Variants in PLCH1 observed in about 807,000 individuals in gnomAD.
PLCH1 encodes 1-phosphatidylinositol 4,5-bisphosphate phosphodiesterase eta-1.
PLCH1 carries 60 observed loss-of-function variants against 126.7 expected under a neutral mutation model. That is an observed-to-expected ratio of 0.47 (90% CI 0.38 to 0.59). PLCH1 has a LOEUF of 0.59. PLCH1 is among the 20% of genes least tolerant of loss of function. The probability of loss-of-function intolerance (pLI) is 0.00; values close to 1 mark genes in which losing one functional copy is unlikely to be tolerated. For synonymous variants in PLCH1, 719 were observed against 734.9 expected (o/e 0.98, Z 0.35); for missense variants, 1,723 against 2,040.0 (o/e 0.84, Z 2.99).
At chr3:155,514,223 G>T (rs555731483) in intron 12 of PLCH1, among the ~76,000 whole-genome samples, 57 of 152,220 alleles carry the variant, frequency 3.7e-4, no homozygotes, top group Non-Finnish European at 7.3e-5. Context: ...AAATGGGCCT[G>T]AGGAACAGCC....
chr3:155,626,373 C>G (rs1577179660), intron 2 of PLCH1, among the ~76,000 whole-genome samples: 1 of 152,096 alleles, frequency 6.6e-6, no homozygotes, highest in African/African-American at 2.4e-5. Context: ...ATTTTAAACA[C>G]ATAAGTACTG....
At chr3:155,486,526 T>TG (rs1413959658) in intron 21 of PLCH1, among the ~76,000 whole-genome samples, 11 of 147,324 alleles carry the variant, frequency 7.5e-5, no homozygotes, top group Non-Finnish European at 1.3e-4. Flanking sequence ...TTTTTTTTTT[T>TG]TTTTTTTTTG....
At position 155,600,604 on chromosome 3, in the gene PLCH1, A is replaced by T. The variant is rs1367543475; in HGVS notation, c.80-4226T>A. On this transcript the variant is annotated intron_variant, in intron 2 of 22. Coordinates refer to ENST00000460012, the MANE Select transcript of PLCH1 (RefSeq NM_014996.4). ...CTTTATGGTACGCTTAAGATAGCTA[A>T]AAAAAAAAAAAAAAAAGTTTATTTG... Among the ~76,000 whole-genome samples, 10 of 37,520 alleles carry T rather than the reference A, an allele frequency of 2.7e-4. No homozygotes were observed. The South Asian group carries it at 2.8e-3, about 11-fold the overall frequency. 24.6% of individuals were successfully genotyped at this position (37,520 alleles called of 152,430 possible). A position where few individuals can be genotyped will look rare whatever the true frequency, so the allele number is the denominator to read the frequency against.
intron 11 of PLCH1, 112 bp from the exon 12 acceptor site, chr3:155,514,996 G>C: frequency 3.1e-6 from 2 of 649,994 alleles, no homozygotes; most frequent in East Asian, 5.9e-5. Flanking sequence ...TCAATTACTT[G>C]TAAGAAATTA....
intron 2 of PLCH1, among the ~76,000 whole-genome samples, chr3:155,677,794 A>G (rs532420198): frequency 4.7e-4 from 72 of 152,308 alleles, no homozygotes; most frequent in Non-Finnish European, 7.9e-4. Flanking sequence ...AATCTGAATT[A>G]ATTAGTGGTC....
intron 2 of PLCH1, among the ~76,000 whole-genome samples, chr3:155,700,855 G>C (rs955931186): frequency 6.6e-6 from 1 of 152,236 alleles, no homozygotes; most frequent in Non-Finnish European, 1.5e-5. Context: ...AAGCCATTAA[G>C]ACAGGGTTCA....
At chr3:155,596,175 G>A (rs1395913405) in intron 3 of PLCH1, 57 bp downstream of exon 3, 4 of 1,364,208 alleles carry the variant, frequency 2.9e-6, no homozygotes, top group African/African-American at 1.4e-5. Context: ...AGCCCACTCA[G>A]TATAACCCGT....
At chr3:155,601,108 G>A (rs1331362590) in intron 2 of PLCH1, among the ~76,000 whole-genome samples, 1 of 152,072 alleles carries the variant, frequency 6.6e-6, no homozygotes, top group Non-Finnish European at 1.5e-5. Context: ...CCGAGTAGCT[G>A]GGACTACAGG....
chr3:155,701,190 A>G (rs998271524), intron 2 of PLCH1, among the ~76,000 whole-genome samples: 3 of 152,230 alleles, frequency 2.0e-5, no homozygotes, highest in South Asian at 2.1e-4. Flanking sequence ...AAGGCCGGAC[A>G]TAAGCAGACT....
intron 1 of PLCH1, among the ~76,000 whole-genome samples, chr3:155,734,451 C>A (rs1178891251): frequency 6.6e-6 from 1 of 151,916 alleles, no homozygotes; most frequent in East Asian, 1.9e-4. Flanking sequence ...CAGAGTGAGA[C>A]CCTATCTCAA....
chr3:155,456,504 A>G (rs536172908), intron 21 of PLCH1, among the ~76,000 whole-genome samples: 33 of 152,206 alleles, frequency 2.2e-4, no homozygotes, highest in Non-Finnish European at 4.1e-4. Flanking sequence ...TACATTCCCT[A>G]CCTGGGCAAC....
chr3:155,681,682 T>C (rs893643222), intron 2 of PLCH1, among the ~76,000 whole-genome samples: 25 of 152,196 alleles, frequency 1.6e-4, no homozygotes, highest in African/African-American at 5.8e-4. Flanking sequence ...CCCAAAATCA[T>C]TGCTATAAGT....
At chr3:155,464,643 A>C (rs1712862255) in intron 21 of PLCH1, among the ~76,000 whole-genome samples, 1 of 152,084 alleles carries the variant, frequency 6.6e-6, no homozygotes, top group African/African-American at 2.4e-5. Context: ...GTGCCTTGTG[A>C]CCGAATGAGT....
Position 155,481,406 on chromosome 3 carries a change from C to T in PLCH1, c.4620G>A (p.Lys1540=), listed in dbSNP as rs757730288. ...PIDALTEQLR[K]LVSFDQEDNC... The stretch of plus-strand genomic sequence containing the variant: ...TGTCTTCCTGGTCAAAGGACACAAG[C>T]TTCCGAAGCTGCTCGGTCAGGGCAT... Residue 1540 remains lysine (K), a synonymous_variant, in exon 23 of 23, where the codon AAG becomes AAA. Transcript: ENST00000460012. The surrounding 1 kb of genome is among the most constrained non-coding windows in gnomAD (Gnocchi z 4.2). 55 of 1,614,108 alleles carry T rather than the reference C, an allele frequency of 3.4e-5. No individual in the cohort carries two copies. The South Asian group carries it at 4.4e-4, about 13-fold the overall frequency.
At chr3:155,715,766 C>T (rs1346548753) in intron 1 of PLCH1, among the ~76,000 whole-genome samples, 1 of 151,914 alleles carries the variant, frequency 6.6e-6, no homozygotes, top group African/African-American at 2.4e-5. Flanking sequence ...GTGTACACCA[C>T]CATGCCCAGC....
intron 2 of PLCH1, among the ~76,000 whole-genome samples, chr3:155,622,446 C>A (rs1399692265): frequency 5.3e-5 from 8 of 152,204 alleles, no homozygotes; most frequent in Non-Finnish European, 1.2e-4. Context: ...TAAATGCCCC[C>A]AGTTAAAGAC....
Position 155,481,859 on chromosome 3 carries a change from T to C in PLCH1, c.4167A>G (p.Val1389=), listed in dbSNP as rs1235216754. 36 of 1,614,082 alleles carry C rather than the reference T, an allele frequency of 2.2e-5. No individual in the cohort carries two copies. The highest frequency in any genetic ancestry group is 3.0e-5 in the Non-Finnish European group (35 of 1,180,030). The change falls in exon 23 of 23, where the codon GTA becomes GTG. Residue 1389 remains valine, a synonymous_variant. Transcript: ENST00000460012. The surrounding 1 kb of genome is among the most constrained non-coding windows in gnomAD (Gnocchi z 4.2). ...PLKLKYNQGV[V]EHFQRGLRNG... ...TTCTCAAACCTCTTTGAAAGTGTTC[T>C]ACCACACCCTGATTGTACTTGAGTT...
chr3:155,674,866 A>T (rs1172025404), intron 2 of PLCH1, among the ~76,000 whole-genome samples: 3 of 152,236 alleles, frequency 2.0e-5, no homozygotes, highest in African/African-American at 7.2e-5. Context: ...CATTACTTCC[A>T]TAATGTGTAA....
chr3:155,586,286 C>A, intron 4 of PLCH1, 92 bp from the exon 5 acceptor site: 2 of 1,319,838 alleles, frequency 1.5e-6, no homozygotes, highest in Non-Finnish European at 1.1e-6. Context: ...ATCAGTAACA[C>A]AGAACTTGAG....
Sources: allele counts gnomAD v4.1 joint callset (sites outside exome capture counted in the v4.1 genomes callset), GRCh38; gene constraint gnomAD v4.1.1; non-coding constraint Gnocchi (gnomAD v3.1); transcripts MANE v1.5; gene names NCBI Gene and HGNC (gene_info 2026-07-23, HGNC 2026-07-21).